The following CDV3 variants were observed in gnomAD, a reference collection of about 807,000 sequenced individuals.
CDV3 encodes the protein protein CDV3 homolog.
CDV3 carries 14 observed loss-of-function variants against 24.5 expected under a neutral mutation model. That is an observed-to-expected ratio of 0.57 (90% CI 0.38 to 0.89). The LOEUF is 0.89. CDV3 is among the 40% of genes least tolerant of loss of function. The pLI is 0.00. For synonymous variants in CDV3, 114 were observed against 114.1 expected (o/e 1.00, Z 0.00); for missense variants, 304 against 310.2 (o/e 0.98, Z 0.15).
Position 133,574,147 on chromosome 3 carries a change from G to C in CDV3, c.103G>C (p.Ala35Pro), listed in dbSNP as rs981630703. ...SNRAASAAGA[A>P]GSAGGSSGAA... The stretch of plus-strand genomic sequence containing the variant: ...CCGGGCGGCGAGTGCCGCGGGCGCA[G>C]CGGGCAGCGCCGGCGGAAGCAGTGG... The change falls in exon 1 of 5, where the codon GCG becomes CCG. Residue 35 changes from alanine (A) to proline (P), a missense_variant. Physicochemically the swap from Ala to Pro is conservative, Grantham distance 27. Coordinates refer to ENST00000264993, the MANE Select transcript of CDV3 (RefSeq NM_017548.5). 2 of 1,175,610 alleles carry C rather than the reference G, an allele frequency of 1.7e-6. No individual in the cohort carries two copies. The highest frequency in any genetic ancestry group is 3.3e-5 in the African/African-American group (2 of 61,002). The allele number at this position is 1,175,610 out of a possible 1,614,324, so 72.8% of individuals were successfully genotyped here.
intron 2 of CDV3, among the ~76,000 whole-genome samples, chr3:133,576,841 CTTTTTT>C (rs370619351): frequency 0.057 from 3,587 of 62,410 alleles, 129 homozygotes; most frequent in Middle Eastern, 0.076. Context: ...GGTAGACTAG[CTTTTTT>C]TTTTTTTTTT....
At chr3:133,587,029 T>A in intron 4 of CDV3, 1 of 492,826 alleles carries the variant, frequency 2.0e-6, no homozygotes, top group Non-Finnish European at 3.6e-6. Context: ...TATAATTAAG[T>A]GGCTTTTGCT....
At chr3:133,586,278 TAG>T (rs1933590392) in intron 3 of CDV3, among the ~76,000 whole-genome samples, 1 of 152,050 alleles carries the variant, frequency 6.6e-6, no homozygotes, top group South Asian at 2.1e-4. Context: ...GTATTTTTAG[TAG>T]AGACAGGGTT....
At chr3:133,577,727 C>T (rs186217853) in intron 2 of CDV3, among the ~76,000 whole-genome samples, 5 of 152,238 alleles carry the variant, frequency 3.3e-5, no homozygotes, top group Admixed American at 2.6e-4. Context: ...TAGTTCTTTA[C>T]CTGTACATTT....
In CDV3 at chr3:133,574,268, C is replaced by T; in HGVS notation, c.224C>T (p.Thr75Ile). Residue 75 changes from threonine (T) to isoleucine (I), a missense_variant, in exon 1 of 5, where the codon ACC (threonine) becomes ATC (isoleucine). By Grantham distance (89) the Thr-to-Ile change is moderately conservative. Transcript: ENST00000264993. ...SAGAAGPGAA[T>I]KAVTKDEDEW... ...GGGGCTGCGGGCCCAGGGGCCGCCA[C>T]CAAGGCTGTGACGAAGGTGAGGGGC... is the stretch of plus-strand genomic sequence containing the variant. 1.0e-6 allele frequency: 1 copy of T among 988,224 alleles called. No individual in the cohort carries two copies. The highest frequency in any genetic ancestry group is 1.2e-6 in the Non-Finnish European group (1 of 832,198). 61.2% of individuals were successfully genotyped at this position (988,224 alleles called of 1,614,324 possible). A position where few individuals can be genotyped will look rare whatever the true frequency, so the allele number is the denominator to read the frequency against.
chr3:133,576,841 C>CTTTTTTTTTTTGTT (rs2074828643), intron 2 of CDV3, among the ~76,000 whole-genome samples: 1 of 62,388 alleles, frequency 1.6e-5, no homozygotes, highest in Non-Finnish European at 2.8e-5. Context: ...GGTAGACTAG[C>CTTTTTTTTTTTGTT]TTTTTTTTTT....
chr3:133,587,229 A>G (rs1933702422), intron 4 of CDV3: 1 of 1,304,790 alleles, frequency 7.7e-7, no homozygotes, highest in East Asian at 2.9e-5. Flanking sequence ...TACTTTAGGG[A>G]CATGAATTTT....
chr3:133,587,987 C>T lies in CDV3; in HGVS notation c.718C>T (p.Leu240=), dbSNP rs1576662770. The T allele has an allele frequency of 6.2e-7, 1 of 1,614,020 alleles. No homozygotes were observed. Among genetic ancestry groups the T allele is most frequent in the East Asian group, 2.2e-5 (1 of 44,882 alleles). Residue 240 remains leucine (L), a synonymous_variant, in exon 5 of 5, where the codon CTA becomes TTA. Transcript: ENST00000264993. ...VSKNQALKLQ[L]DNQYAVLENQ... ...AAAAAACCAGGCCCTTAAACTTCAGCTAGACAACCAATATGCTGTGCTTGA... is the reference window on the plus strand; with the variant it reads ...AAAAAACCAGGCCCTTAAACTTCAGTTAGACAACCAATATGCTGTGCTTGA...
rs1395475291 is a variant in CDV3, at chr3:133,589,685, A to AT, written c.*1639_*1640insT. On this transcript the variant is annotated 3_prime_UTR_variant, in exon 5 of 5. Coordinates refer to ENST00000264993, the MANE Select transcript of CDV3 (RefSeq NM_017548.5). ...GTTTTCAGATAGGAGTTTAGTCTTG[A>AT]CGAAAGTGTCCGTGCAGGAATTGGA... 3 of 152,750 alleles carry AT rather than the reference A, an allele frequency of 2.0e-5. No individual in the cohort carries two copies. The highest frequency in any genetic ancestry group is 2.9e-5 in the Non-Finnish European group (2 of 68,036). The allele number at this position is 152,750 out of a possible 1,614,324, so 9.5% of individuals were successfully genotyped here.
intron 2 of CDV3, among the ~76,000 whole-genome samples, chr3:133,578,362 A>C (rs2074895513): frequency 6.6e-6 from 1 of 152,224 alleles, no homozygotes; most frequent in South Asian, 2.1e-4. Context: ...ACGTTTCAGT[A>C]AATAATTGAG....
At position 133,573,702 on chromosome 3, in the gene CDV3, T is replaced by A. The variant is rs952601384; in HGVS notation, c.-343T>A. On this transcript the variant is annotated 5_prime_UTR_variant, in exon 1 of 5. Transcript: ENST00000264993. ...CGCCTCTTCCTCCGGCACGCGCCGC[T>A]GCTAGCCGAGCACTCTCGCCAGAAC... is the stretch of plus-strand genomic sequence containing the variant. 3 of 148,266 alleles carry A rather than the reference T, an allele frequency of 2.0e-5. No homozygotes were observed. The highest frequency in any genetic ancestry group is 7.4e-5 in the African/African-American group (3 of 40,456). The allele number at this position is 148,266 out of a possible 1,614,324, so 9.2% of individuals were successfully genotyped here.
intron 2 of CDV3, among the ~76,000 whole-genome samples, chr3:133,579,610 T>G (rs1044945069): frequency 6.6e-6 from 1 of 152,010 alleles, no homozygotes; most frequent in East Asian, 1.9e-4. Context: ...TTTTTTTTTT[T>G]GATAGAGTTT....
At chr3:133,579,056 G>T (rs1200970899) in intron 2 of CDV3, among the ~76,000 whole-genome samples, 1 of 152,118 alleles carries the variant, frequency 6.6e-6, no homozygotes, top group Non-Finnish European at 1.5e-5. Context: ...ACACTATTTT[G>T]GCTCTGCTAC....
At chr3:133,580,900 A>G (rs902224005) in intron 2 of CDV3, among the ~76,000 whole-genome samples, 1 of 152,160 alleles carries the variant, frequency 6.6e-6, no homozygotes, top group African/African-American at 2.4e-5. Context: ...CAATCCCTCT[A>G]ATTAAACAGA....
chr3:133,576,923 C>T lies in CDV3; in HGVS notation c.317+1808C>T, dbSNP rs536502798. On this transcript the variant is annotated intron_variant, in intron 2 of 4. Coordinates refer to ENST00000264993, the MANE Select transcript of CDV3 (RefSeq NM_017548.5). ...AGTGCAGTGGCAAAATCTCGGCTCACTGCAACCTCCGCCTTCTGGTTTCAA... is the reference window on the plus strand; with the variant it reads ...AGTGCAGTGGCAAAATCTCGGCTCATTGCAACCTCCGCCTTCTGGTTTCAA... Among the ~76,000 whole-genome samples the T allele has an allele frequency of 2.3e-5, 3 of 130,676 alleles. No individual in the cohort carries two copies. In the East Asian group the frequency reaches 7.7e-4, roughly 34 times the overall value. 85.7% of individuals were successfully genotyped at this position (130,676 alleles called of 152,430 possible).
Position 133,588,458 on chromosome 3 carries a change from G to C in CDV3, c.*412G>C. 2 of 1,251,324 alleles carry C rather than the reference G, an allele frequency of 1.6e-6. No individual in the cohort carries two copies. The highest frequency in any genetic ancestry group is 2.2e-6 in the Non-Finnish European group (2 of 892,018). 77.5% of individuals were successfully genotyped at this position (1,251,324 alleles called of 1,614,324 possible). A position where few individuals can be genotyped will look rare whatever the true frequency, so the allele number is the denominator to read the frequency against. On this transcript the variant is annotated 3_prime_UTR_variant, in exon 5 of 5. Coordinates refer to ENST00000264993, the MANE Select transcript of CDV3 (RefSeq NM_017548.5). ...AAGAAGATTACAACTATTAAGTGTC[G>C]ATGTGAACCTTGCAACCAGCTCTAC...
chr3:133,574,417 C>T lies in CDV3; in HGVS notation c.240+133C>T, dbSNP rs1226003305. The T allele has an allele frequency of 3.1e-6, 3 of 977,308 alleles. No homozygotes were observed. In the Admixed American group the frequency reaches 1.8e-4, roughly 60 times the overall value. The allele number at this position is 977,308 out of a possible 1,614,324, so 60.5% of individuals were successfully genotyped here. A position where few individuals can be genotyped will look rare whatever the true frequency, so the allele number is the denominator to read the frequency against. ...CGGACGGGCGCGGGCCGCCACGTGA[C>T]GCAGGCTCTCCACCTCGGGCTGGGC... On this transcript the variant is annotated intron_variant, in intron 1 of 4. Coordinates refer to ENST00000264993, the MANE Select transcript of CDV3 (RefSeq NM_017548.5).
In CDV3 at chr3:133,584,057, G is replaced by GA; in HGVS notation, c.375dup (p.Glu126ArgfsTer18). ...GAGACAAGATCCAGGTGATAACTGG[G>GA]AAGAAGGTGGAGGTGGTGGTGGAGG... On this transcript the variant is annotated frameshift_variant, in exon 3 of 5. Transcript: ENST00000264993. LOFTEE classifies it high-confidence loss of function. The GA allele has an allele frequency of 1.2e-6, 2 of 1,610,948 alleles. No individual in the cohort carries two copies. Among genetic ancestry groups the GA allele is most frequent in the Non-Finnish European group, 1.7e-6 (2 of 1,177,214 alleles).
chr3:133,587,433 C>G (rs1460591575), intron 4 of CDV3: 2 of 1,168,670 alleles, frequency 1.7e-6, no homozygotes, highest in Non-Finnish European at 2.1e-6. Flanking sequence ...GGCAGTGATT[C>G]ACCACACTCG....
Sources: gnomAD v4.1 joint callset for allele counts (sites outside exome capture counted in the v4.1 genomes callset) on GRCh38, gnomAD v4.1.1 for gene constraint, MANE v1.5 for transcripts, NCBI Gene and HGNC (gene_info 2026-07-23, HGNC 2026-07-21) for gene names.